The following PCDHA10 variants were observed in gnomAD, a reference collection of about 807,000 sequenced individuals.
PCDHA10 encodes protocadherin alpha 10.
A neutral mutation model predicts 61.2 loss-of-function variants in PCDHA10; 45 were observed. The observed-to-expected ratio is 0.74, with a 90% CI of 0.58 to 0.94. The LOEUF is 0.94. Among genes scored for constraint, PCDHA10 ranks in the 40% least tolerant of loss-of-function variants. The probability of loss-of-function intolerance (pLI) is 0.00; values close to 1 mark genes in which losing one functional copy is unlikely to be tolerated. For missense variants in PCDHA10, 1,278 were observed against 1,236.2 expected, an observed-to-expected ratio of 1.03 and a Z score of -0.51; for synonymous variants, 602 against 548.8, an observed-to-expected ratio of 1.10 and a Z score of -1.35.
At chr5:140,926,703 C>A in intron 1 of PCDHA10, 2 of 835,416 alleles carry the variant, frequency 2.4e-6, no homozygotes, top group Non-Finnish European at 3.4e-6. Context: ...CGGCTCCCAG[C>A]TGGCCAGCCC....
chr5:140,869,497 G>C, intron 1 of PCDHA10: 1 of 1,614,202 alleles, frequency 6.2e-7, no homozygotes, highest in South Asian at 1.1e-5. Context: ...CAACCCGCCG[G>C]TGTTCTCGCT....
chr5:140,927,325 C>T, intron 1 of PCDHA10: 6 of 1,614,234 alleles, frequency 3.7e-6, no homozygotes, highest in South Asian at 1.1e-5. Context: ...CCGCTTTACT[C>T]TCCCGAATGC....
At chr5:140,862,948 G>T (rs782222335) in intron 1 of PCDHA10, 1 of 543,712 alleles carries the variant, frequency 1.8e-6, no homozygotes, top group South Asian at 1.4e-5. Context: ...GTGAGCTGGT[G>T]CGGTATTCAG....
At chr5:140,967,268 C>T in intron 1 of PCDHA10, 1 of 1,613,522 alleles carries the variant, frequency 6.2e-7, no homozygotes, top group Non-Finnish European at 8.5e-7. Context: ...AGCGCGCTTT[C>T]ACATAGAGAG....
chr5:140,877,509 G>T (rs781824762), intron 1 of PCDHA10: 21 of 1,613,700 alleles, frequency 1.3e-5, no homozygotes, highest in Non-Finnish European at 1.7e-5. Flanking sequence ...CAAAGACGTC[G>T]TCGCGGGCCT....
At chr5:140,936,291 A>G (rs996685658) in intron 1 of PCDHA10, among the ~76,000 whole-genome samples, 2 of 152,174 alleles carry the variant, frequency 1.3e-5, no homozygotes, top group African/African-American at 4.8e-5. Flanking sequence ...CTTCTATAAC[A>G]TTGCTATCCA....
chr5:140,870,428 T>C, intron 1 of PCDHA10: 3 of 1,614,126 alleles, frequency 1.9e-6, no homozygotes, highest in Non-Finnish European at 2.5e-6. Flanking sequence ...AGGGTATCCG[T>C]GGAGGTGGCC....
At chr5:140,991,320 A>G (rs1563572656) in intron 3 of PCDHA10, among the ~76,000 whole-genome samples, 1 of 152,216 alleles carries the variant, frequency 6.6e-6, no homozygotes, top group Non-Finnish European at 1.5e-5. Context: ...CGCATGATAC[A>G]TGAAGGGAAT....
chr5:140,917,313 T>C (rs1294382574), intron 1 of PCDHA10, among the ~76,000 whole-genome samples: 12 of 132,588 alleles, frequency 9.1e-5, no homozygotes, highest in African/African-American at 3.0e-4. Flanking sequence ...TACAATTTGG[T>C]GTTCATGTGG....
Position 140,857,497 on chromosome 5 carries a change from G to T in PCDHA10, c.1449G>T (p.Ala483=), listed in dbSNP as rs1473016176. Reference sequence around the variant, plus strand: ...CGGTGTCTGCGTGGGACGCGGACGCGCAGGAGAACGCCCTGGTGTCCTACT... The same window carrying T: ...CGGTGTCTGCGTGGGACGCGGACGCTCAGGAGAACGCCCTGGTGTCCTACT... The part of the protein sequence containing the change: ...IFTVSAWDAD[A]QENALVSYSL... Residue 483 remains alanine, a synonymous_variant, in exon 1 of 4, where the codon GCG becomes GCT. Coordinates refer to ENST00000307360, the MANE Select transcript of PCDHA10 (RefSeq NM_018901.4). 10 of 1,598,150 alleles carry T rather than the reference G, an allele frequency of 6.3e-6. 1 individual carries two copies. The highest frequency in any genetic ancestry group is 5.4e-5 in the African/African-American group (4 of 74,450).
intron 1 of PCDHA10, among the ~76,000 whole-genome samples, chr5:140,940,415 A>G (rs1187271340): frequency 2.0e-5 from 3 of 152,118 alleles, no homozygotes; most frequent in African/African-American, 7.2e-5. Flanking sequence ...TAAAAATTAT[A>G]ATTATTACTG....
chr5:140,877,062 G>T, intron 1 of PCDHA10: 3 of 1,612,992 alleles, frequency 1.9e-6, no homozygotes, highest in Non-Finnish European at 2.5e-6. Flanking sequence ...AGCTGGAGCT[G>T]CTGCAGTTCC....
chr5:140,906,545 T>C (rs1477554651), intron 1 of PCDHA10, among the ~76,000 whole-genome samples: 2 of 152,256 alleles, frequency 1.3e-5, no homozygotes, highest in Admixed American at 6.5e-5. Context: ...TCCTCATTTC[T>C]GCAACTGGTT....
At chr5:140,942,757 T>C (rs2093364947) in intron 1 of PCDHA10, among the ~76,000 whole-genome samples, 1 of 152,174 alleles carries the variant, frequency 6.6e-6, no homozygotes, top group South Asian at 2.1e-4. Context: ...ATAAATGAGA[T>C]GGCATAATGT....
At chr5:140,862,662 C>A (rs1365074780) in intron 1 of PCDHA10, 3 of 546,742 alleles carry the variant, frequency 5.5e-6, no homozygotes, top group South Asian at 1.4e-5. Flanking sequence ...GGGACCGGGA[C>A]GCGCAGGAGA....
chr5:140,922,647 A>G (rs568444047), intron 1 of PCDHA10, among the ~76,000 whole-genome samples: 35 of 152,262 alleles, frequency 2.3e-4, no homozygotes, highest in Non-Finnish European at 4.6e-4. Context: ...ATCAAACAGT[A>G]AATATGGCTA....
At chr5:140,870,543 C>T (rs1554164396) in intron 1 of PCDHA10, 6 of 1,614,114 alleles carry the variant, frequency 3.7e-6, no homozygotes, top group South Asian at 1.1e-5. Context: ...CGGCGCGGGA[C>T]GCGGACGCGC....
At chr5:140,888,967 G>T (rs1434157317) in intron 1 of PCDHA10, among the ~76,000 whole-genome samples, 1 of 152,000 alleles carries the variant, frequency 6.6e-6, no homozygotes, top group African/African-American at 2.4e-5. Flanking sequence ...CAATGTTAAT[G>T]TGTTGAATTT....
At chr5:140,870,142 C>T (rs782428763) in intron 1 of PCDHA10, 3 of 1,613,946 alleles carry the variant, frequency 1.9e-6, no homozygotes, top group South Asian at 1.1e-5. Flanking sequence ...CGATAACTCT[C>T]CTGAAGTCGC....
Sources: gnomAD v4.1 joint callset for allele counts (sites outside exome capture counted in the v4.1 genomes callset) on GRCh38, gnomAD v4.1.1 for gene constraint, MANE v1.5 for transcripts, NCBI Gene and HGNC (gene_info 2026-07-23, HGNC 2026-07-21) for gene names.